The following RBPJ variants were observed in gnomAD, a reference collection of about 807,000 sequenced individuals.
RBPJ encodes the protein recombination signal binding protein for immunoglobulin kappa J region, also known as recombining binding protein suppressor of hairless.
A neutral mutation model predicts 67.8 loss-of-function variants in RBPJ; 9 were observed. That is an observed-to-expected ratio of 0.13 (90% CI 0.08 to 0.23). The LOEUF (loss-of-function observed/expected upper bound fraction) is 0.23, where lower values mean the gene tolerates loss of function less well. Among genes scored for constraint, RBPJ ranks in the 10% least tolerant of loss-of-function variants. RBPJ has a pLI of 1.00. For synonymous variants in RBPJ, 198 were observed against 203.3 expected, an observed-to-expected ratio of 0.97 and a Z score of 0.22; for missense variants, 305 against 595.6, an observed-to-expected ratio of 0.51 and a Z score of 5.08.
In RBPJ at chr4:26,165,844, C is replaced by T. The variant is rs533847517; in HGVS notation, c.-167+2230C>T. ...ACTCATCATTTAGCATTAGGTATGT[C>T]TCCTAATGCTATCCCTCCCCCCTCC... On this transcript the variant is annotated intron_variant, in intron 1 of 4. Coordinates refer to the RBPJ transcript ENST00000512351. Among the ~76,000 whole-genome samples the T allele has an allele frequency of 9.3e-5, 14 of 149,992 alleles. No homozygotes were observed. The South Asian group carries it at 3.0e-3, about 32-fold the overall frequency.
Position 26,403,289 on chromosome 4 carries a change from G to A in RBPJ, c.60-2886G>A, listed in dbSNP as rs1046497854. Among the ~76,000 whole-genome samples, 17 of 150,014 alleles carry A rather than the reference G, an allele frequency of 1.1e-4. 1 individual carries two copies. Among genetic ancestry groups the A allele is most frequent in the African/African-American group, 3.9e-4 (16 of 40,718 alleles). ...TGGATCTTTAAAGATTTTACTACACGCTACCACTTTTTTTATACTTAAAGG... is the reference window on the plus strand; with the variant it reads ...TGGATCTTTAAAGATTTTACTACACACTACCACTTTTTTTATACTTAAAGG... On this transcript the variant is annotated intron_variant, in intron 2 of 10. Coordinates refer to ENST00000355476, the MANE Select transcript of RBPJ (RefSeq NM_015874.6).
At chr4:26,393,564 A>G (rs891109329) in intron 2 of RBPJ, among the ~76,000 whole-genome samples, 1 of 151,884 alleles carries the variant, frequency 6.6e-6, no homozygotes, top group African/African-American at 2.4e-5. Context: ...TTGTAGAGAC[A>G]GGATTTCCCC....
In RBPJ at chr4:26,428,859, A is replaced by G; in HGVS notation, c.887A>G (p.Gln296Arg). The G allele has an allele frequency of 6.3e-7, 1 of 1,598,926 alleles. No individual in the cohort carries two copies. The highest frequency in any genetic ancestry group is 8.6e-7 in the Non-Finnish European group (1 of 1,167,070). ...CLSQERIIQF[Q>R]ATPCPKEPNK... ...TCTCAAGAAAGAATAATTCAATTTC[A>G]GGTATGTTTTTAAATTACTGGTGAA... Residue 296 changes from glutamine (Q) to arginine (R), a missense_variant and splice_region_variant, in exon 8 of 11, where the codon CAG (glutamine) becomes CGG (arginine). Physicochemically the swap from Gln to Arg is conservative, Grantham distance 43. Around this residue, in one of 7 missense-constraint regions of RBPJ, gnomAD observed 66 missense variants for 226.0 expected, o/e 0.29. Coordinates refer to ENST00000355476, the MANE Select transcript of RBPJ (RefSeq NM_015874.6).
intron 1 of RBPJ, among the ~76,000 whole-genome samples, chr4:26,171,619 G>A (rs1229788294): frequency 6.6e-6 from 1 of 152,208 alleles, no homozygotes; most frequent in Non-Finnish European, 1.5e-5. Context: ...TTTTAAGGAA[G>A]AGGACACATT....
chr4:26,133,628 G>A, the RBPJ span, among the ~76,000 whole-genome samples: 3 of 152,298 alleles, frequency 2.0e-5, no homozygotes, highest in South Asian at 2.1e-4. Flanking sequence ...TGATAGGAGC[G>A]TGAACCCTAT....
rs766071390 is a variant in RBPJ, at chr4:26,428,746, C to A, written c.774C>A (p.Thr258=). 6.2e-7 allele frequency: 1 copy of A among 1,609,300 alleles called. No homozygotes were observed. Among genetic ancestry groups the A allele is most frequent in the East Asian group, 2.2e-5 (1 of 44,754 alleles). Residue 258 remains threonine, a synonymous_variant, in exon 8 of 11, where the codon ACC becomes ACA. Transcript: ENST00000355476. ...RLIIRKVDKQ[T]ALLDADDPVS... Reference sequence around the variant, plus strand: ...TAATTAGGAAAGTTGATAAGCAGACCGCATTATTGGATGCAGATGATCCTG... The same window carrying A: ...TAATTAGGAAAGTTGATAAGCAGACAGCATTATTGGATGCAGATGATCCTG...
intron 1 of RBPJ, among the ~76,000 whole-genome samples, chr4:26,251,228 A>G (rs1382705640): frequency 6.6e-6 from 1 of 152,202 alleles, no homozygotes; most frequent in Non-Finnish European, 1.5e-5. Flanking sequence ...GGCAAACCTA[A>G]TAAGTTTGCC....
chr4:26,209,114 T>TAA (rs1184479522), intron 1 of RBPJ, among the ~76,000 whole-genome samples: 2 of 150,156 alleles, frequency 1.3e-5, no homozygotes, highest in Admixed American at 6.6e-5. Flanking sequence ...TATATATATA[T>TAA]AAAAGCATTT....
chr4:26,184,855 T>C (rs905602258), intron 1 of RBPJ, among the ~76,000 whole-genome samples: 1 of 152,118 alleles, frequency 6.6e-6, no homozygotes. Flanking sequence ...AAGATAGTTA[T>C]GTTGGGCCGG....
chr4:26,263,849 C>T (rs1720621629), intron 1 of RBPJ, among the ~76,000 whole-genome samples: 1 of 150,778 alleles, frequency 6.6e-6, no homozygotes, highest in Non-Finnish European at 1.5e-5. Context: ...GGATTACAGG[C>T]GTGAGCCACA....
intron 1 of RBPJ, among the ~76,000 whole-genome samples, chr4:26,361,519 A>G (rs1323919911): frequency 6.6e-6 from 1 of 152,062 alleles, no homozygotes; most frequent in Non-Finnish European, 1.5e-5. Context: ...CCACATGCCT[A>G]GAGTGGAACA....
intron 1 of RBPJ, among the ~76,000 whole-genome samples, chr4:26,178,719 C>T (rs539857579): frequency 6.6e-5 from 10 of 150,442 alleles, no homozygotes; most frequent in Non-Finnish European, 7.4e-5. Flanking sequence ...TTTGAGAACC[C>T]ACCATGCGAT....
chr4:26,195,057 A>G (rs1717703080), intron 1 of RBPJ, among the ~76,000 whole-genome samples: 1 of 152,228 alleles, frequency 6.6e-6, no homozygotes, highest in Non-Finnish European at 1.5e-5. Context: ...ATAAATGAAT[A>G]CGTGTTTATC....
chr4:26,138,682 T>G, the RBPJ span, among the ~76,000 whole-genome samples: 1 of 152,176 alleles, frequency 6.6e-6, no homozygotes, highest in South Asian at 2.1e-4. Context: ...GGCCGTCCCA[T>G]GTTAGTGACC....
At chr4:26,121,191 A>G in the RBPJ span, among the ~76,000 whole-genome samples, 129 of 152,286 alleles carry the variant, frequency 8.5e-4, no homozygotes, top group African/African-American at 3.1e-3. Context: ...CCCTGGGCAG[A>G]AGCAAATATT....
At chr4:26,275,590 A>G (rs1411930505) in intron 1 of RBPJ, among the ~76,000 whole-genome samples, 2 of 151,856 alleles carry the variant, frequency 1.3e-5, no homozygotes, top group African/African-American at 4.8e-5. Context: ...ACATAACACA[A>G]CTGTCAACTT....
chr4:26,111,465 CA>C, the RBPJ span, among the ~76,000 whole-genome samples: 1 of 152,244 alleles, frequency 6.6e-6, no homozygotes, highest in Non-Finnish European at 1.5e-5. Flanking sequence ...ATAGCCCAGG[CA>C]GGGCTGATGG....
At chr4:26,124,912 A>G in the RBPJ span, among the ~76,000 whole-genome samples, 185 of 152,260 alleles carry the variant, frequency 1.2e-3, no homozygotes, top group African/African-American at 4.4e-3. Flanking sequence ...GTGGCACACG[A>G]CTGTAGTTCA....
intron 1 of RBPJ, among the ~76,000 whole-genome samples, chr4:26,382,921 A>G (rs1171285540): frequency 6.6e-6 from 1 of 152,192 alleles, no homozygotes; most frequent in East Asian, 1.9e-4. Context: ...CCATACTCCA[A>G]TATATACAGT....
Sources: allele counts gnomAD v4.1 joint callset (sites outside exome capture counted in the v4.1 genomes callset), GRCh38; gene constraint gnomAD v4.1.1; regional missense constraint gnomAD v4.1.1; transcripts MANE v1.5; gene names NCBI Gene and HGNC (gene_info 2026-07-23, HGNC 2026-07-21).